TRIP13: variants seen among roughly 807,000 people sequenced by gnomAD.
The protein encoded by TRIP13 is thyroid hormone receptor interactor 13.
In TRIP13, 25 loss-of-function variants were observed where a neutral mutation model predicts 54.4. The observed-to-expected ratio is 0.46, with a 90% CI of 0.33 to 0.64. TRIP13 has a LOEUF of 0.64. Among genes scored for constraint, TRIP13 ranks in the 30% least tolerant of loss-of-function variants. TRIP13 has a pLI of 0.02. For missense variants in TRIP13, 373 were observed against 534.2 expected (o/e 0.70, Z 2.97); for synonymous variants, 207 against 207.8 (o/e 1.00, Z 0.03).
chr5:906,540 A>T (rs1754118992), intron 6 of TRIP13, among the ~76,000 whole-genome samples: 1 of 152,050 alleles, frequency 6.6e-6, no homozygotes, highest in African/African-American at 2.4e-5. Flanking sequence ...TGGACTTTTG[A>T]CATGGAAGCA....
intron 12 of TRIP13, among the ~76,000 whole-genome samples, chr5:916,285 T>A (rs1429721393): frequency 1.3e-5 from 2 of 152,216 alleles, no homozygotes; most frequent in Non-Finnish European, 2.9e-5. Context: ...TTGTGCTCTT[T>A]CAGTCTGGGT....
chr5:901,960 C>T (rs1389210339), intron 5 of TRIP13, among the ~76,000 whole-genome samples: 1 of 152,208 alleles, frequency 6.6e-6, no homozygotes, highest in Non-Finnish European at 1.5e-5. Context: ...ATCAAGTCTT[C>T]CTGTGGGGGG....
chr5:892,987 C>T lies in TRIP13; in HGVS notation c.-12C>T, dbSNP rs1191769744. ...GCGCCCTGGTTGGGTCCCCACTGCT[C>T]TCGGGGGCGCCATGGACGAGGCCGT... On this transcript the variant is annotated 5_prime_UTR_variant, in exon 1 of 13. Transcript: ENST00000166345. 5 of 1,561,764 alleles carry T rather than the reference C, an allele frequency of 3.2e-6. No individual in the cohort carries two copies. The highest frequency in any genetic ancestry group is 2.0e-4 in the Middle Eastern group (1 of 4,946).
intron 9 of TRIP13, among the ~76,000 whole-genome samples, chr5:909,978 C>T: frequency 6.6e-6 from 1 of 151,474 alleles, no homozygotes. Context: ...TGTCACAGTG[C>T]TGCAGAGATT....
In TRIP13 at chr5:892,982, C is replaced by T; in HGVS notation, c.-17C>T. 1 of 1,551,774 alleles carries T rather than the reference C, an allele frequency of 6.4e-7. No homozygotes were observed. On this transcript the variant is annotated 5_prime_UTR_variant, in exon 1 of 13. Coordinates refer to ENST00000166345, the MANE Select transcript of TRIP13 (RefSeq NM_004237.4). ...CGGCCGCGCCCTGGTTGGGTCCCCA[C>T]TGCTCTCGGGGGCGCCATGGACGAG... is the stretch of plus-strand genomic sequence containing the variant.
chr5:914,720 CGTGTGTGT>C (rs60208703), intron 11 of TRIP13, 143 bp downstream of exon 11: 1 of 596,670 alleles, frequency 1.7e-6, no homozygotes. Context: ...CATGTACACA[CGTGTGTGT>C]GTGTGTGTGT....
In TRIP13 at chr5:915,866, A is replaced by T. The variant is rs772822074; in HGVS notation, c.1134-38A>T. The T allele has an allele frequency of 6.2e-7, 1 of 1,610,998 alleles. No homozygotes were observed. Among genetic ancestry groups the T allele is most frequent in the South Asian group, 1.1e-5 (1 of 91,020 alleles). On this transcript the variant is annotated intron_variant, in intron 11 of 12. Coordinates refer to ENST00000166345, the MANE Select transcript of TRIP13 (RefSeq NM_004237.4). This position sits in a 1 kb window ranked among gnomAD's most constrained non-coding sequence, Gnocchi z 4.2. Reference sequence around the variant, plus strand: ...AATTAGTCCTGAAACGTGTGATTGTATAAATTGCTGTCTCTGAACTGGGTT... The same window carrying T: ...AATTAGTCCTGAAACGTGTGATTGTTTAAATTGCTGTCTCTGAACTGGGTT...
In TRIP13 at chr5:907,303, G is replaced by A. The variant is rs1754135517; in HGVS notation, c.672+110G>A. On this transcript the variant is annotated intron_variant, in intron 7 of 12. Coordinates refer to ENST00000166345, the MANE Select transcript of TRIP13 (RefSeq NM_004237.4). The surrounding 1 kb of genome is among the most constrained non-coding windows in gnomAD (Gnocchi z 4.1). ...CTTCAGGAGAGAACTGGGTGGGAAG[G>A]GTGTGTGAGGATTGGGGCTGACTGT... 1.0e-6 allele frequency: 1 copy of A among 982,442 alleles called. No individual in the cohort carries two copies. The highest frequency in any genetic ancestry group is 2.7e-5 in the East Asian group (1 of 37,360). 60.9% of individuals were successfully genotyped at this position (982,442 alleles called of 1,614,324 possible).
chr5:915,995 C>T lies in TRIP13; in HGVS notation c.1203+22C>T, dbSNP rs779570931. The T allele has an allele frequency of 1.2e-6, 2 of 1,611,298 alleles. No individual in the cohort carries two copies. Among genetic ancestry groups the T allele is most frequent in the African/African-American group, 1.3e-5 (1 of 74,978 alleles). ...CCAGGTGAGTCTCCACTGCTGTCCT[C>T]CAGCACCCGCCCTGTCCACAGGTCT... On this transcript the variant is annotated intron_variant, in intron 12 of 12. Coordinates refer to ENST00000166345, the MANE Select transcript of TRIP13 (RefSeq NM_004237.4). The surrounding 1 kb of genome is among the most constrained non-coding windows in gnomAD (Gnocchi z 4.2).
chr5:894,665 C>G (rs1032116682), intron 1 of TRIP13, 122 bp from the exon 2 acceptor site: 1 of 1,211,864 alleles, frequency 8.3e-7, no homozygotes, highest in Non-Finnish European at 1.1e-6. Context: ...CAGGCCAACT[C>G]CAACTTACCC....
intron 3 of TRIP13, 36 bp from the exon 4 acceptor site, chr5:900,458 T>A (rs755011603): frequency 1.2e-6 from 2 of 1,612,588 alleles, no homozygotes; most frequent in Non-Finnish European, 8.5e-7. Flanking sequence ...ATTGCTTGCC[T>A]TCCTGAAATC....
intron 9 of TRIP13, among the ~76,000 whole-genome samples, chr5:910,056 A>G (rs887215994): frequency 6.6e-6 from 1 of 152,222 alleles, no homozygotes; most frequent in Non-Finnish European, 1.5e-5. Flanking sequence ...ACAAGTGTGC[A>G]GGTCCTGGAG....
Position 907,850 on chromosome 5 carries a change from T to C in TRIP13, c.673-138T>C, listed in dbSNP as rs1754147568. On this transcript the variant is annotated intron_variant, in intron 7 of 12. Coordinates refer to ENST00000166345, the MANE Select transcript of TRIP13 (RefSeq NM_004237.4). This position sits in a 1 kb window ranked among gnomAD's most constrained non-coding sequence, Gnocchi z 4.1. ...CCATGCTGCCCTAGCTTCTCTGATTTAGGGAGCTTTCTGAGGGGCCGTCAG... is the reference window on the plus strand; with the variant it reads ...CCATGCTGCCCTAGCTTCTCTGATTCAGGGAGCTTTCTGAGGGGCCGTCAG... 1.3e-6 allele frequency: 1 copy of C among 785,384 alleles called. No homozygotes were observed. The highest frequency in any genetic ancestry group is 2.2e-6 in the Non-Finnish European group (1 of 464,872). 48.7% of individuals were successfully genotyped at this position (785,384 alleles called of 1,614,324 possible).
At chr5:903,008 C>T (rs998294182) in intron 5 of TRIP13, among the ~76,000 whole-genome samples, 4 of 152,264 alleles carry the variant, frequency 2.6e-5, no homozygotes, top group Non-Finnish European at 5.9e-5. Flanking sequence ...AACATGAAGG[C>T]GGACTAGGAG....
At chr5:893,519 A>G in intron 1 of TRIP13, 1 of 207,784 alleles carries the variant, frequency 4.8e-6, no homozygotes, top group Non-Finnish European at 1.0e-5. Flanking sequence ...TGCTTCTCAG[A>G]CCCTTTAATT....
chr5:910,926 G>A (rs574802007), intron 9 of TRIP13, among the ~76,000 whole-genome samples: 1 of 152,352 alleles, frequency 6.6e-6, no homozygotes, highest in East Asian at 1.9e-4. Flanking sequence ...CGCAGGCACA[G>A]GGCCTGCCCT....
At chr5:894,489 A>G (rs186102261) in intron 1 of TRIP13, among the ~76,000 whole-genome samples, 78 of 152,368 alleles carry the variant, frequency 5.1e-4, no homozygotes, top group African/African-American at 1.8e-3. Context: ...TGTGCCAGGT[A>G]TCGTCCTAAA....
intron 5 of TRIP13, 66 bp downstream of exon 5, chr5:901,497 C>T (rs1405653147): frequency 1.5e-5 from 22 of 1,492,924 alleles, no homozygotes; most frequent in East Asian, 1.1e-4. Context: ...CTTGTACCTT[C>T]GTCCTTCTGC....
rs1754166001 is a variant in TRIP13 at position 908,565 on chromosome 5, C to T, written c.866+104C>T. ...CCTAGATCTTAGTGCCCAGCTCTTTCACCGGAAAGTGCATTTGGCATTGAG... is the reference window on the plus strand; with the variant it reads ...CCTAGATCTTAGTGCCCAGCTCTTTTACCGGAAAGTGCATTTGGCATTGAG... On this transcript the variant is annotated intron_variant, in intron 9 of 12. Coordinates refer to ENST00000166345, the MANE Select transcript of TRIP13 (RefSeq NM_004237.4). The surrounding 1 kb of genome is among the most constrained non-coding windows in gnomAD (Gnocchi z 5.2). The T allele has an allele frequency of 2.6e-6, 4 of 1,544,184 alleles. No individual in the cohort carries two copies. The African/African-American group carries it at 5.4e-5, about 21-fold the overall frequency.
Sources: gnomAD v4.1 joint callset for allele counts (sites outside exome capture counted in the v4.1 genomes callset) on GRCh38, gnomAD v4.1.1 for gene constraint, Gnocchi (gnomAD v3.1) non-coding constraint, MANE v1.5 for transcripts, NCBI Gene and HGNC (gene_info 2026-07-23, HGNC 2026-07-21) for gene names.